Variants in TBX1 observed in about 807,000 individuals in gnomAD.
TBX1 encodes T-box transcription factor 1.
In TBX1, 16 loss-of-function variants were observed where a neutral mutation model predicts 40.8. That is an observed-to-expected ratio of 0.39 (90% CI 0.27 to 0.60). TBX1 has a LOEUF of 0.60. TBX1 is among the 20% of genes least tolerant of loss of function. The pLI, the probability that TBX1 is intolerant of heterozygous loss-of-function variation, is 0.51. For synonymous variants in TBX1, 403 were observed against 336.8 expected (o/e 1.20, Z -2.15); for missense variants, 755 against 728.5 (o/e 1.04, Z -0.42).
At chr22:19,773,480 G>C (rs1271766270) in intron 8 of TBX1, among the ~76,000 whole-genome samples, 1 of 152,220 alleles carries the variant, frequency 6.6e-6, no homozygotes, top group African/African-American at 2.4e-5. Flanking sequence ...GGCATTTCCA[G>C]GTGGCCCCTC....
At chr22:19,758,969 G>C (rs1936551826), upstream of TBX1, among the ~76,000 whole-genome samples, 1 of 152,238 alleles carries the variant, frequency 6.6e-6, no homozygotes, top group Admixed American at 6.5e-5. Flanking sequence ...GAGAGCCCAA[G>C]CTGCCCTCTC....
At chr22:19,781,577 T>C (rs1937143258), downstream of TBX1, among the ~76,000 whole-genome samples, 1 of 152,216 alleles carries the variant, frequency 6.6e-6, no homozygotes, top group Non-Finnish European at 1.5e-5. Context: ...TTTTTTTCTT[T>C]TGTGAAATGT....
chr22:19,772,232 A>G (rs1431627204), downstream of TBX1, among the ~76,000 whole-genome samples: 1 of 151,748 alleles, frequency 6.6e-6, no homozygotes, highest in Non-Finnish European at 1.5e-5. Context: ...CCTCCCAAGT[A>G]ACCGGGATTA....
rs766944540 is a variant in TBX1, at chr22:19,764,287, G to A, written c.672G>A (p.Lys224=). Residue 224 remains lysine, a synonymous_variant, in exon 3 of 7, where the codon AAG becomes AAA. Coordinates refer to ENST00000649276, the MANE Select transcript of TBX1 (RefSeq NM_001379200.1). ...TGAAGCAAATCGTGTCCTTCGACAAGCTCAAGCTGACCAACAACCTACTGG... is the reference window on the plus strand; with the variant it reads ...TGAAGCAAATCGTGTCCTTCGACAAACTCAAGCTGACCAACAACCTACTGG... ...QWMKQIVSFD[K]LKLTNNLLDD... The A allele has an allele frequency of 6.2e-7, 1 of 1,613,346 alleles. No individual in the cohort carries two copies. Among genetic ancestry groups the A allele is most frequent in the South Asian group, 1.1e-5 (1 of 91,088 alleles).
chr22:19,778,624 G>A (rs532460072), intron 8 of TBX1, among the ~76,000 whole-genome samples: 2 of 151,778 alleles, frequency 1.3e-5, no homozygotes, highest in Admixed American at 1.3e-4. Context: ...CAGTAGAGAC[G>A]GGGCTTCACC....
intron 4 of TBX1, among the ~76,000 whole-genome samples, chr22:19,765,323 C>A (rs1218289874): frequency 6.6e-6 from 1 of 152,176 alleles, no homozygotes; most frequent in Non-Finnish European, 1.5e-5. Flanking sequence ...TCAGCTTGAC[C>A]TCTCCAGCGG....
In TBX1 at chr22:19,763,293, G is replaced by A. The variant is rs374011293; in HGVS notation, c.490G>A (p.Asp164Asn). ...VKLFGMDPMA[D>N]YMLLMDFVPV... ...GCTCTTCGGCATGGATCCCATGGCC[G>A]ACTATATGCTGCTCATGGACTTCGT... Residue 164 changes from aspartate to asparagine, a missense_variant, in exon 2 of 7, where the codon GAC (aspartate) becomes AAC (asparagine). Coordinates refer to ENST00000649276, the MANE Select transcript of TBX1 (RefSeq NM_001379200.1). The A allele has an allele frequency of 6.2e-6, 10 of 1,614,092 alleles. No homozygotes were observed. In the East Asian group the frequency reaches 1.3e-4, roughly 22 times the overall value.
chr22:19,778,342 C>T (rs1937097990), intron 8 of TBX1, among the ~76,000 whole-genome samples: 1 of 152,172 alleles, frequency 6.6e-6, no homozygotes, highest in Non-Finnish European at 1.5e-5. Context: ...CTCAAGTGAT[C>T]CTCCCGCTTT....
At chr22:19,763,806 C>G in intron 2 of TBX1, 1 of 470,408 alleles carries the variant, frequency 2.1e-6, no homozygotes, top group Non-Finnish European at 3.8e-6. Context: ...AGAACGCGCA[C>G]TGCCCTGTGC....
At position 19,766,780 on chromosome 22, in the gene TBX1, C is replaced by CACCGCT; in HGVS notation, c.1428_1429insACCGCT (p.Ala476_Ala477insThrAla). On this transcript the variant is annotated inframe_insertion, in exon 7 of 7. Coordinates refer to ENST00000649276, the MANE Select transcript of TBX1 (RefSeq NM_001379200.1). The stretch of plus-strand genomic sequence containing the variant: ...TGAGTCCAGCCGCCGCGGCCGCCGC[C>CACCGCT]GCCGCTGCCGCAGCTGCCGCGGCCG... 6.7e-7 allele frequency: 1 copy of CACCGCT among 1,485,136 alleles called. No homozygotes were observed. The highest frequency in any genetic ancestry group is 1.3e-5 in the South Asian group (1 of 76,754). 92.0% of individuals were successfully genotyped at this position (1,485,136 alleles called of 1,614,324 possible).
At chr22:19,770,413 C>T (rs34188008), downstream of TBX1, among the ~76,000 whole-genome samples, 6,465 of 152,322 alleles carry the variant, frequency 0.042, 179 homozygotes, top group Non-Finnish European at 0.064. Flanking sequence ...GACCCCCCCA[C>T]GGCTGCCCTC....
intron 1 of TBX1, among the ~76,000 whole-genome samples, chr22:19,762,369 T>C (rs1317779229): frequency 6.6e-6 from 1 of 151,770 alleles, no homozygotes; most frequent in Non-Finnish European, 1.5e-5. Context: ...CTGCAGGGAG[T>C]TGCTTGTGAG....
intron 1 of TBX1, among the ~76,000 whole-genome samples, chr22:19,762,597 G>C (rs1936704506): frequency 6.6e-6 from 1 of 152,192 alleles, no homozygotes; most frequent in African/African-American, 2.4e-5. Flanking sequence ...GTACACTCTG[G>C]GTAGCTGCGT....
At chr22:19,773,608 G>A (rs925812518) in intron 8 of TBX1, among the ~76,000 whole-genome samples, 3 of 152,210 alleles carry the variant, frequency 2.0e-5, no homozygotes, top group African/African-American at 7.2e-5. Flanking sequence ...TGCCTGGGAA[G>A]CTTACTGCAG....
upstream of TBX1, chr22:19,759,511 G>A (rs943216521): frequency 7.3e-6 from 11 of 1,514,462 alleles, no homozygotes; most frequent in Middle Eastern, 2.2e-4. Context: ...CGCGGAGCCC[G>A]CTGTCTCCCC....
At chr22:19,764,020 C>A in intron 2 of TBX1, 135 bp from the exon 3 acceptor site, 1 of 940,674 alleles carries the variant, frequency 1.1e-6, no homozygotes, top group Non-Finnish European at 1.6e-6. Flanking sequence ...AAGCTCCCAG[C>A]ACATGCGGCA....
Position 19,766,042 on chromosome 22 carries a change from C to A in TBX1, c.1036+40C>A. ...GTGGGATCCGGGTTCCGGCCCTGTG[C>A]GCGCTCTACCCCGGGCCGGCGGCCT... On this transcript the variant is annotated intron_variant, in intron 6 of 6. Transcript: ENST00000649276. 4 of 1,449,012 alleles carry A rather than the reference C, an allele frequency of 2.8e-6. No homozygotes were observed. The South Asian group carries it at 5.2e-5, about 19-fold the overall frequency. The allele number at this position is 1,449,012 out of a possible 1,614,324, so 89.8% of individuals were successfully genotyped here.
In TBX1 at chr22:19,766,801, GGCC is replaced by G. The variant is rs765173550; in HGVS notation, c.1453_1455del (p.Ala485del). 5 of 1,519,324 alleles carry G rather than the reference GGCC, an allele frequency of 3.3e-6. No homozygotes were observed. Among genetic ancestry groups the G allele is most frequent in the African/African-American group, 2.9e-5 (2 of 68,536 alleles). 94.1% of individuals were successfully genotyped at this position (1,519,324 alleles called of 1,614,324 possible). A position where few individuals can be genotyped will look rare whatever the true frequency, so the allele number is the denominator to read the frequency against. On this transcript the variant is annotated inframe_deletion, in exon 7 of 7. Coordinates refer to ENST00000649276, the MANE Select transcript of TBX1 (RefSeq NM_001379200.1). ...CCGCCGCCGCTGCCGCAGCTGCCGC[GGCC>G]GCCAACATGTACTCGTCGGCCGGAG...
At chr22:19,775,436 C>T (rs929159879) in intron 8 of TBX1, among the ~76,000 whole-genome samples, 2 of 152,214 alleles carry the variant, frequency 1.3e-5, no homozygotes, top group African/African-American at 4.8e-5. Flanking sequence ...ATTTAAAAAT[C>T]CTAGATCATC....
Sources: gnomAD v4.1 joint callset for allele counts (sites outside exome capture counted in the v4.1 genomes callset) on GRCh38, gnomAD v4.1.1 for gene constraint, MANE v1.5 for transcripts, NCBI Gene and HGNC (gene_info 2026-07-23, HGNC 2026-07-21) for gene names.